BCL6: variants seen among roughly 807,000 people sequenced by gnomAD.
The protein encoded by BCL6 is B-cell lymphoma 6 protein.
Under a neutral mutation model 59.5 loss-of-function variants are expected in BCL6, and 7 were observed. That is an observed-to-expected ratio of 0.12 (90% CI 0.07 to 0.22). The LOEUF (loss-of-function observed/expected upper bound fraction) is 0.22, where lower values mean the gene tolerates loss of function less well. Ranked by LOEUF, BCL6 falls within the 10% of genes least tolerant of loss-of-function variation. The pLI is 1.00. For missense variants in BCL6, 685 were observed against 939.4 expected (o/e 0.73, Z 3.54); for synonymous variants, 339 against 349.7 (o/e 0.97, Z 0.34).
chr3:187,723,165 C>T lies in BCL6; in HGVS notation c.1978-564G>A, dbSNP rs551951524. Among the ~76,000 whole-genome samples, 88 of 152,256 alleles carry T rather than the reference C, an allele frequency of 5.8e-4. 1 individual carries two copies. Among genetic ancestry groups the T allele is most frequent in the African/African-American group, 2.0e-3 (82 of 41,526 alleles). ...AATGGACTAGATCAGTCTGAATTCACGGAAATTCTGGAGTCTAGGGTAAAT... is the reference window on the plus strand; with the variant it reads ...AATGGACTAGATCAGTCTGAATTCATGGAAATTCTGGAGTCTAGGGTAAAT... On this transcript the variant is annotated intron_variant, in intron 9 of 9. Transcript: ENST00000406870.
chr3:187,744,385 C>T (rs1440229485), intron 1 of BCL6, among the ~76,000 whole-genome samples: 4 of 151,366 alleles, frequency 2.6e-5, no homozygotes, highest in South Asian at 4.2e-4. Flanking sequence ...GCAGGGAGAG[C>T]GCGCGGAGGT....
At chr3:187,726,077 G>A (rs1228935007) in intron 7 of BCL6, among the ~76,000 whole-genome samples, 1 of 152,210 alleles carries the variant, frequency 6.6e-6, no homozygotes, top group East Asian at 1.9e-4. Context: ...GGATAAGACA[G>A]ATTCACTCAT....
intron 1 of BCL6, among the ~76,000 whole-genome samples, chr3:187,739,050 C>A (rs1711504663): frequency 6.6e-6 from 1 of 152,180 alleles, no homozygotes; most frequent in African/African-American, 2.4e-5. Flanking sequence ...TCGCCCCTCC[C>A]CTCCTTCCCA....
chr3:187,745,401 A>T lies in BCL6; in HGVS notation c.-50+9T>A, dbSNP rs966365061. ...CAGCAGCAGCGGCGGCAGCAACAGCAATAATCACCTGGTGTCCGGCCTTTC... is the reference window on the plus strand; with the variant it reads ...CAGCAGCAGCGGCGGCAGCAACAGCTATAATCACCTGGTGTCCGGCCTTTC... On this transcript the variant is annotated intron_variant, in intron 1 of 9. Transcript: ENST00000406870. The T allele has an allele frequency of 5.0e-6, 2 of 401,888 alleles. No individual in the cohort carries two copies. The highest frequency in any genetic ancestry group is 4.1e-5 in the African/African-American group (2 of 48,796). 24.9% of individuals were successfully genotyped at this position (401,888 alleles called of 1,614,324 possible).
intron 3 of BCL6, chr3:187,732,273 C>A (rs1462286033): frequency 7.9e-6 from 3 of 378,180 alleles, no homozygotes; most frequent in East Asian, 6.3e-5. Flanking sequence ...TTAAATTTAG[C>A]CCCTTTGCAG....
rs1443054418 is a variant in BCL6 at position 187,725,493 on chromosome 3, G to A, written c.1839+6C>T. The A allele has an allele frequency of 3.1e-6, 5 of 1,613,474 alleles. No homozygotes were observed. The highest frequency in any genetic ancestry group is 4.2e-6 in the Non-Finnish European group (5 of 1,179,890). ...CCCGCTCCGCTCGCCTGCCCACTCT[G>A]CTCACCTGTACAAATCTGGCTCCGC... On this transcript the variant is annotated splice_donor_region_variant and intron_variant, in intron 8 of 9. Coordinates refer to ENST00000406870, the MANE Select transcript of BCL6 (RefSeq NM_001706.5). This position sits in a 1 kb window ranked among gnomAD's most constrained non-coding sequence, Gnocchi z 4.7.
intron 9 of BCL6, among the ~76,000 whole-genome samples, chr3:187,723,580 C>T (rs1009524636): frequency 5.9e-5 from 9 of 151,978 alleles, no homozygotes; most frequent in Non-Finnish European, 1.0e-4. Context: ...TAAAACTATC[C>T]TAAAACAAAA....
chr3:187,744,817 G>C (rs570678317), intron 1 of BCL6, among the ~76,000 whole-genome samples: 2 of 152,158 alleles, frequency 1.3e-5, no homozygotes, highest in African/African-American at 2.4e-5. Context: ...ACGGAGCAAG[G>C]AAAGCAGTTT....
intron 1 of BCL6, among the ~76,000 whole-genome samples, chr3:187,743,452 C>A (rs533584812): frequency 6.6e-6 from 1 of 152,130 alleles, no homozygotes; most frequent in East Asian, 1.9e-4. Context: ...GCTCAACTGT[C>A]AGGACCCCCC....
chr3:187,726,820 G>A lies in BCL6; in HGVS notation c.1619C>T (p.Thr540Ile), dbSNP rs940637288. 1 of 1,614,238 alleles carries A rather than the reference G, an allele frequency of 6.2e-7. No individual in the cohort carries two copies. The highest frequency in any genetic ancestry group is 8.5e-7 in the Non-Finnish European group (1 of 1,180,042). The change falls in exon 7 of 10, where the codon ACC becomes ATC. Residue 540 changes from threonine (T) to isoleucine (I), a missense_variant. By Grantham distance (89) the Thr-to-Ile change is moderately conservative. This residue lies in a region of BCL6 where 207 missense variants were observed against 213.7 expected (regional missense o/e 0.97). Transcript: ENST00000406870. ...EASLKRHTLQ[T>I]HSDKPYKCDR... ...ACACTTGTAGGGTTTGTCACTGTGGGTCTGCAGCGTGTGCCTCTTGAGTGA... is the reference window on the plus strand; with the variant it reads ...ACACTTGTAGGGTTTGTCACTGTGGATCTGCAGCGTGTGCCTCTTGAGTGA...
Position 187,721,646 on chromosome 3 carries a change from C to T in BCL6, c.*812G>A, listed in dbSNP as rs1050513687. The T allele has an allele frequency of 6.9e-5, 16 of 232,670 alleles. No individual in the cohort carries two copies. Among genetic ancestry groups the T allele is most frequent in the African/African-American group, 2.0e-4 (9 of 45,266 alleles). 14.4% of individuals were successfully genotyped at this position (232,670 alleles called of 1,614,324 possible). ...AAAGGCACCGTGAGGACACGTTGTA[C>T]GGGTATATACAAACTGAAAACTAGA... On this transcript the variant is annotated 3_prime_UTR_variant, in exon 10 of 10. Transcript: ENST00000406870. This position sits in a 1 kb window ranked among gnomAD's most constrained non-coding sequence, Gnocchi z 4.2.
At chr3:187,731,663 G>C (rs549485096) in intron 4 of BCL6, 46 bp downstream of exon 4, 1 of 1,577,160 alleles carries the variant, frequency 6.3e-7, no homozygotes, top group Non-Finnish European at 8.7e-7. Context: ...TCTGATCGGG[G>C]ACTATCTCTT....
chr3:187,736,657 C>A (rs1719295169), intron 1 of BCL6: 1 of 152,230 alleles, frequency 6.6e-6, no homozygotes, highest in African/African-American at 2.4e-5. Context: ...TCACCGTAAG[C>A]CTCTGCCTGG....
chr3:187,740,660 C>T (rs1560158398), intron 1 of BCL6, among the ~76,000 whole-genome samples: 1 of 152,212 alleles, frequency 6.6e-6, no homozygotes, highest in Non-Finnish European at 1.5e-5. Flanking sequence ...TCACCACTAA[C>T]AAGCCTCCTC....
Position 187,725,049 on chromosome 3 carries a change from G to T in BCL6, c.1869C>A (p.Ile623=). The T allele has an allele frequency of 6.2e-7, 1 of 1,614,208 alleles. No homozygotes were observed. Among genetic ancestry groups the T allele is most frequent in the Non-Finnish European group, 8.5e-7 (1 of 1,180,040 alleles). The change falls in exon 9 of 10, where the codon ATC becomes ATA. Residue 623 remains isoleucine (I), a synonymous_variant. Coordinates refer to ENST00000406870, the MANE Select transcript of BCL6 (RefSeq NM_001706.5). The surrounding 1 kb of genome is among the most constrained non-coding windows in gnomAD (Gnocchi z 4.7). ...QVAHLRAHVL[I]HTGEKPYPCE... is the part of the protein sequence containing the mutation. Reference sequence around the variant, plus strand: ...AGGGATAGGGCTTCTCACCAGTGTGGATAAGCACATGGGCACGGAGGTGGG... The same window carrying T: ...AGGGATAGGGCTTCTCACCAGTGTGTATAAGCACATGGGCACGGAGGTGGG...
chr3:187,744,674 T>G (rs914734455), intron 1 of BCL6, among the ~76,000 whole-genome samples: 2 of 152,068 alleles, frequency 1.3e-5, no homozygotes, highest in Middle Eastern at 3.4e-3. Context: ...CCGAGGCCGA[T>G]GGAAGAGAGC....
At chr3:187,741,541 C>T (rs1711591994) in intron 1 of BCL6, among the ~76,000 whole-genome samples, 1 of 145,444 alleles carries the variant, frequency 6.9e-6, no homozygotes, top group Non-Finnish European at 1.5e-5. Context: ...TTGTGGGTCT[C>T]GGAGTGGACA....
At position 187,722,557 on chromosome 3, in the gene BCL6, T is replaced by C; in HGVS notation, c.2022A>G (p.Arg674=). ...NLHFRHKSQL[R]LHLRQKHGAI... is the part of the protein sequence containing the mutation. ...CGCCATGCTTCTGGCGCAAGTGAAG[T>C]CGCAGCTGGCTTTTGTGACGGAAAT... The change falls in exon 10 of 10, where the codon CGA becomes CGG. Residue 674 remains arginine (R), a synonymous_variant. Coordinates refer to ENST00000406870, the MANE Select transcript of BCL6 (RefSeq NM_001706.5). 6.2e-7 allele frequency: 1 copy of C among 1,613,918 alleles called. No homozygotes were observed. Among genetic ancestry groups the C allele is most frequent in the East Asian group, 2.2e-5 (1 of 44,838 alleles).
chr3:187,742,988 G>A (rs1253105680), intron 1 of BCL6, among the ~76,000 whole-genome samples: 1 of 151,456 alleles, frequency 6.6e-6, no homozygotes, highest in Non-Finnish European at 1.5e-5. Flanking sequence ...GAGCAAAATA[G>A]ATACCTGTCT....
Sources: allele counts gnomAD v4.1 joint callset (sites outside exome capture counted in the v4.1 genomes callset), GRCh38; gene constraint gnomAD v4.1.1; regional missense constraint gnomAD v4.1.1; non-coding constraint Gnocchi (gnomAD v3.1); transcripts MANE v1.5; gene names NCBI Gene and HGNC (gene_info 2026-07-23, HGNC 2026-07-21).